The following ANO10 variants were observed in gnomAD, a reference collection of about 807,000 sequenced individuals.
ANO10 encodes the protein anoctamin 10.
In ANO10, 77 loss-of-function variants were observed where a neutral mutation model predicts 74.7. The observed-to-expected ratio is 1.03, with a 90% confidence interval of 0.86 to 1.25. The LOEUF (loss-of-function observed/expected upper bound fraction) is 1.25, where lower values mean the gene tolerates loss of function less well. ANO10 is among the 50% of genes most tolerant of loss of function. The pLI is 0.00. For missense variants in ANO10, 721 were observed against 778.1 expected (o/e 0.93, Z 0.87); for synonymous variants, 279 against 284.9 (o/e 0.98, Z 0.21).
chr3:43,580,141 TC>T (rs1442605284), intron 5 of ANO10, among the ~76,000 whole-genome samples: 7 of 114,650 alleles, frequency 6.1e-5, no homozygotes, highest in African/African-American at 2.0e-4. Context: ...AGACCCTATC[TC>T]AAAAAAAAAA....
At chr3:43,587,935 T>C (rs984798025) in intron 4 of ANO10, among the ~76,000 whole-genome samples, 5 of 152,288 alleles carry the variant, frequency 3.3e-5, no homozygotes, top group Admixed American at 2.6e-4. Flanking sequence ...GAAACTTTTC[T>C]AGGAAAATAT....
At position 43,372,887 on chromosome 3, in the gene ANO10, C is replaced by A. The variant is rs772683025; in HGVS notation, c.1915-5913G>T. ...AGAGAAATTCTAATTTAGCCAGTAA[C>A]CTCAGTGTAATTCCGATGAACTTGT... On this transcript the variant is annotated intron_variant, in intron 12 of 12. Coordinates refer to ENST00000292246, the MANE Select transcript of ANO10 (RefSeq NM_018075.5). 2.0e-6 allele frequency: 3 copies of A among 1,528,932 alleles called. No individual in the cohort carries two copies. The African/African-American group carries it at 4.1e-5, about 21-fold the overall frequency. The allele number at this position is 1,528,932 out of a possible 1,614,324, so 94.7% of individuals were successfully genotyped here.
intron 3 of ANO10, among the ~76,000 whole-genome samples, chr3:43,600,139 T>C (rs1396563458): frequency 6.6e-6 from 1 of 152,238 alleles, no homozygotes; most frequent in African/African-American, 2.4e-5. Context: ...GCCTGCCACA[T>C]GGTTTTATAA....
At chr3:43,603,898 T>C (rs1308153763) in intron 2 of ANO10, among the ~76,000 whole-genome samples, 1 of 152,122 alleles carries the variant, frequency 6.6e-6, no homozygotes, top group Non-Finnish European at 1.5e-5. Flanking sequence ...CTGAATTAGG[T>C]ATGTGAGTGG....
At chr3:43,592,057 C>T (rs968349446) in intron 4 of ANO10, among the ~76,000 whole-genome samples, 10 of 152,222 alleles carry the variant, frequency 6.6e-5, no homozygotes, top group Non-Finnish European at 1.2e-4. Context: ...GGGAGGGGCG[C>T]CCGCCATTGC....
Position 43,498,530 on chromosome 3 carries a change from G to A in ANO10, c.1797+51190C>T, listed in dbSNP as rs549508886. Among the ~76,000 whole-genome samples the A allele has an allele frequency of 2.0e-5, 3 of 152,276 alleles. No individual in the cohort carries two copies. In the East Asian group the frequency reaches 5.8e-4, roughly 29 times the overall value. ...AAACTCTGATGGGATGGCATATGGA[G>A]GGAAGAGTAGGGAATAAACACCACC... On this transcript the variant is annotated intron_variant, in intron 11 of 12. Transcript: ENST00000292246.
intron 11 of ANO10, among the ~76,000 whole-genome samples, chr3:43,543,578 C>T (rs764868126): frequency 5.9e-5 from 9 of 152,002 alleles, no homozygotes; most frequent in Non-Finnish European, 1.2e-4. Flanking sequence ...TTAGTAGAGA[C>T]GGGGTTTCAC....
intron 1 of ANO10, among the ~76,000 whole-genome samples, chr3:43,668,242 T>C (rs748912655): frequency 6.6e-5 from 10 of 152,260 alleles, no homozygotes; most frequent in African/African-American, 1.9e-4. Context: ...CTCTTGAGAA[T>C]TGTCTATTCA....
chr3:43,507,290 A>G (rs1482578452), intron 11 of ANO10, among the ~76,000 whole-genome samples: 7 of 152,196 alleles, frequency 4.6e-5, no homozygotes, highest in Admixed American at 4.6e-4. Context: ...CGTAGGAGAC[A>G]GGGTGGGTTG....
chr3:43,424,883 C>T (rs2092875338), intron 12 of ANO10: 1 of 152,150 alleles, frequency 6.6e-6, no homozygotes, highest in African/African-American at 2.4e-5. Flanking sequence ...GGAAGACAAA[C>T]CTTCCAGTGA....
chr3:43,572,245 C>T (rs1156968013), intron 7 of ANO10, among the ~76,000 whole-genome samples: 1 of 152,180 alleles, frequency 6.6e-6, no homozygotes, highest in Admixed American at 6.5e-5. Context: ...GACCCCCCCA[C>T]CAACAATAAG....
At chr3:43,430,728 G>C (rs971550878) in intron 12 of ANO10, among the ~76,000 whole-genome samples, 1 of 151,942 alleles carries the variant, frequency 6.6e-6, no homozygotes, top group African/African-American at 2.4e-5. Flanking sequence ...ACAAGAGTGA[G>C]AGTCCCCATT....
At chr3:43,594,321 C>T (rs7628239) in intron 4 of ANO10, among the ~76,000 whole-genome samples, 16,260 of 152,176 alleles carry the variant, frequency 0.11, 1,474 homozygotes, top group African/African-American at 0.25. Flanking sequence ...CTTCTCAGCA[C>T]CACATCACAC....
chr3:43,533,047 T>C (rs1009239370), intron 11 of ANO10, among the ~76,000 whole-genome samples: 1 of 152,100 alleles, frequency 6.6e-6, no homozygotes, highest in Non-Finnish European at 1.5e-5. Context: ...CCAGGCATGA[T>C]AGAGCCCAAG....
In ANO10 at chr3:43,600,538, T is replaced by C; in HGVS notation, c.183A>G (p.Gln61=). The C allele has an allele frequency of 1.9e-6, 3 of 1,613,670 alleles. No homozygotes were observed. Among genetic ancestry groups the C allele is most frequent in the Non-Finnish European group, 2.5e-6 (3 of 1,179,560 alleles). ...LFRPLLNKYE[Q]ETLENQNLYL... The stretch of plus-strand genomic sequence containing the variant: ...ATAAGTTCTGATTTTCTAGTGTTTC[T>C]TGTTCATATTTATTTAACAATGGTC... Residue 61 remains glutamine (Q), a synonymous_variant, in exon 3 of 13, where the codon CAA becomes CAG. Coordinates refer to ENST00000292246, the MANE Select transcript of ANO10 (RefSeq NM_018075.5).
At chr3:43,486,636 T>C (rs1197091411) in intron 11 of ANO10, among the ~76,000 whole-genome samples, 2 of 143,658 alleles carry the variant, frequency 1.4e-5, no homozygotes, top group African/African-American at 2.6e-5. Flanking sequence ...ATGCTTGTGA[T>C]TTTTGTACAT....
intron 7 of ANO10, 145 bp downstream of exon 7, chr3:43,574,664 C>T: frequency 1.4e-6 from 1 of 690,174 alleles, no homozygotes; most frequent in South Asian, 1.7e-5. Context: ...CAGAGGTACA[C>T]ATATTTATTA....
intron 1 of ANO10, among the ~76,000 whole-genome samples, chr3:43,660,202 C>A (rs2083909783): frequency 6.6e-6 from 1 of 152,084 alleles, no homozygotes. Context: ...TCCAAAGGAA[C>A]ACAACTCCTC....
At chr3:43,432,879 ATGAGTTGTACTGAG>A in intron 11 of ANO10, 152 bp from the exon 12 acceptor site, 1 of 587,290 alleles carries the variant, frequency 1.7e-6, no homozygotes, top group Non-Finnish European at 3.1e-6. Flanking sequence ...AAGCAGGCCC[ATGAGTTGTACTGAG>A]TGAGTCCACC....
Sources: gnomAD v4.1 joint callset for allele counts (sites outside exome capture counted in the v4.1 genomes callset) on GRCh38, gnomAD v4.1.1 for gene constraint, MANE v1.5 for transcripts, NCBI Gene and HGNC (gene_info 2026-07-23, HGNC 2026-07-21) for gene names.